Variants in CRAMP1 observed in about 807,000 individuals in gnomAD.
The protein encoded by CRAMP1 is cramped chromatin regulator 1, also known as protein cramped-like.
Under a neutral mutation model 115.4 loss-of-function variants are expected in CRAMP1, and 50 were observed. That is an observed-to-expected ratio of 0.43 (90% CI 0.35 to 0.55). The LOEUF (loss-of-function observed/expected upper bound fraction) is 0.55, where lower values mean the gene tolerates loss of function less well. CRAMP1 is among the 20% of genes least tolerant of loss of function. The pLI is 0.01. For missense variants in CRAMP1, 1,679 were observed against 1,721.7 expected (o/e 0.98, Z 0.44); for synonymous variants, 866 against 745.4 (o/e 1.16, Z -2.64).
At chr16:1,626,233 C>T in intron 3 of CRAMP1, 67 bp downstream of exon 3, 1 of 1,352,282 alleles carries the variant, frequency 7.4e-7, no homozygotes, top group South Asian at 1.5e-5. Context: ...CCCTCCGTTC[C>T]CCGTGCTTCC....
intron 8 of CRAMP1, 121 bp downstream of exon 8, chr16:1,653,277 C>G: frequency 8.4e-7 from 1 of 1,185,522 alleles, no homozygotes; most frequent in Non-Finnish European, 1.2e-6. Flanking sequence ...GCTCTGTCAT[C>G]ACACGAGGAC....
chr16:1,646,878 C>G (rs796820002), intron 6 of CRAMP1, among the ~76,000 whole-genome samples: 3 of 152,236 alleles, frequency 2.0e-5, no homozygotes, highest in South Asian at 4.1e-4. Context: ...CTGTGGGTGT[C>G]AAGCTGTGCC....
Position 1,614,602 on chromosome 16 carries a change from C to T in CRAMP1, c.-1-37C>T. 1 of 1,196,432 alleles carries T rather than the reference C, an allele frequency of 8.4e-7. No homozygotes were observed. Among genetic ancestry groups the T allele is most frequent in the Non-Finnish European group, 1.0e-6 (1 of 955,262 alleles). The allele number at this position is 1,196,432 out of a possible 1,614,324, so 74.1% of individuals were successfully genotyped here. A position where few individuals can be genotyped will look rare whatever the true frequency, so the allele number is the denominator to read the frequency against. ...GGGCCGCTAAACTTCCCGGCCTGCG[C>T]CCGCCTCACCGGCCGCCTCCCCTCT... is the stretch of plus-strand genomic sequence containing the variant. On this transcript the variant is annotated intron_variant, in intron 1 of 20. Coordinates refer to ENST00000397412, the MANE Select transcript of CRAMP1 (RefSeq NM_020825.4). This position sits in a 1 kb window ranked among gnomAD's most constrained non-coding sequence, Gnocchi z 4.4.
chr16:1,628,813 C>T (rs994075955), intron 3 of CRAMP1, among the ~76,000 whole-genome samples: 57 of 152,342 alleles, frequency 3.7e-4, no homozygotes, highest in African/African-American at 1.3e-3. Context: ...GGGACCCCAC[C>T]GCCATCACTG....
At chr16:1,652,362 C>T (rs968698788) in intron 6 of CRAMP1, 134 bp from the exon 7 acceptor site, 9 of 671,002 alleles carry the variant, frequency 1.3e-5, no homozygotes, top group South Asian at 7.7e-5. Flanking sequence ...CACTGTCCTA[C>T]GCGGGCTCGA....
At chr16:1,653,238 A>C (rs561228015) in intron 8 of CRAMP1, 82 bp downstream of exon 8, 2 of 1,502,680 alleles carry the variant, frequency 1.3e-6, no homozygotes, top group Admixed American at 4.0e-5. Context: ...CCCTCAAGGA[A>C]CTTCCAGGAG....
chr16:1,622,753 CTTTTT>C (rs936343370), intron 2 of CRAMP1, among the ~76,000 whole-genome samples: 2 of 129,362 alleles, frequency 1.5e-5, no homozygotes, highest in Non-Finnish European at 3.3e-5. Context: ...CGGCAGTCTA[CTTTTT>C]TTTTTTTTTT....
Position 1,674,880 on chromosome 16 carries a change from C to T in CRAMP1, c.*835C>T, listed in dbSNP as rs1012624068. 1 of 152,214 alleles carries T rather than the reference C, an allele frequency of 6.6e-6. No homozygotes were observed. Among genetic ancestry groups the T allele is most frequent in the Non-Finnish European group, 1.5e-5 (1 of 68,030 alleles). 9.4% of individuals were successfully genotyped at this position (152,214 alleles called of 1,614,324 possible). ...CCAGGCGATCTAAGGTGTCATTTCT[C>T]CCTCCTGGGGTGACCCTTAGGCGCT... is the stretch of plus-strand genomic sequence containing the variant. On this transcript the variant is annotated 3_prime_UTR_variant, in exon 21 of 21. Transcript: ENST00000397412.
chr16:1,629,244 GT>G (rs1481949408), intron 3 of CRAMP1, among the ~76,000 whole-genome samples: 5 of 151,388 alleles, frequency 3.3e-5, no homozygotes, highest in African/African-American at 1.2e-4. Flanking sequence ...GCTTCGCAGT[GT>G]TCCCCTTCTC....
rs779597601 is a variant in CRAMP1 at position 1,670,651 on chromosome 16, C to G, written c.3500-13C>G. 1.9e-6 allele frequency: 3 copies of G among 1,613,718 alleles called. No individual in the cohort carries two copies. Among genetic ancestry groups the G allele is most frequent in the South Asian group, 2.2e-5 (2 of 91,056 alleles). ...AGGGTTCAGGGTGTTTTCCTCTGGCCTTTTCTCCGCAGCAAGCTTCATCTC... is the reference window on the plus strand; with the variant it reads ...AGGGTTCAGGGTGTTTTCCTCTGGCGTTTTCTCCGCAGCAAGCTTCATCTC... On this transcript the variant is annotated splice_polypyrimidine_tract_variant and intron_variant, in intron 19 of 20. Coordinates refer to ENST00000397412, the MANE Select transcript of CRAMP1 (RefSeq NM_020825.4).
intron 6 of CRAMP1, 47 bp downstream of exon 6, chr16:1,641,234 TG>T (rs1330470584): frequency 2.9e-6 from 4 of 1,383,428 alleles, no homozygotes; most frequent in Non-Finnish European, 4.1e-6. Context: ...GGGTGTTTTG[TG>T]TTTATTCTCT....
At chr16:1,622,814 T>A (rs899702045) in intron 2 of CRAMP1, among the ~76,000 whole-genome samples, 1 of 148,172 alleles carries the variant, frequency 6.7e-6, no homozygotes, top group African/African-American at 2.5e-5. Context: ...CAGGCTGGAG[T>A]GCAGTGGCTA....
intron 2 of CRAMP1, among the ~76,000 whole-genome samples, chr16:1,622,853 C>T (rs1255549764): frequency 6.6e-6 from 1 of 151,746 alleles, no homozygotes; most frequent in Non-Finnish European, 1.5e-5. Context: ...CCTCTGCCTC[C>T]CGGTTTCAAG....
rs1567444660 is a variant in CRAMP1 at position 1,614,746 on chromosome 16, C to T, written c.107C>T (p.Ala36Val). 8 of 1,368,752 alleles carry T rather than the reference C, an allele frequency of 5.8e-6. No individual in the cohort carries two copies. The highest frequency in any genetic ancestry group is 7.6e-6 in the Non-Finnish European group (8 of 1,048,910). The allele number at this position is 1,368,752 out of a possible 1,614,324, so 84.8% of individuals were successfully genotyped here. ...ESLEGEGAGG[A>V]DAAEESSGTK... ...CTGGAAGGAGAAGGGGCCGGCGGCG[C>T]AGACGCGGCCGAGGAGAGCAGCGGC... Residue 36 changes from alanine (A) to valine (V), a missense_variant, in exon 2 of 21, where the codon GCA (alanine) becomes GTA (valine). Physicochemically the swap from Ala to Val is moderately conservative, Grantham distance 64. Coordinates refer to ENST00000397412, the MANE Select transcript of CRAMP1 (RefSeq NM_020825.4). This position sits in a 1 kb window ranked among gnomAD's most constrained non-coding sequence, Gnocchi z 4.4.
chr16:1,666,308 C>T lies in CRAMP1; in HGVS notation c.2858-114C>T. On this transcript the variant is annotated intron_variant, in intron 15 of 20. Coordinates refer to ENST00000397412, the MANE Select transcript of CRAMP1 (RefSeq NM_020825.4). This position sits in a 1 kb window ranked among gnomAD's most constrained non-coding sequence, Gnocchi z 5.0. ...ACCCTTCACCAAGAACATCTAAGCCCTTGGCTCTTGCATTGACATGAGGTG... is the reference window on the plus strand; with the variant it reads ...ACCCTTCACCAAGAACATCTAAGCCTTTGGCTCTTGCATTGACATGAGGTG... The T allele has an allele frequency of 1.6e-6, 2 of 1,213,472 alleles. No homozygotes were observed. Among genetic ancestry groups the T allele is most frequent in the Non-Finnish European group, 1.2e-6 (1 of 848,440 alleles). The allele number at this position is 1,213,472 out of a possible 1,614,324, so 75.2% of individuals were successfully genotyped here.
rs773796360 is a variant in CRAMP1 at position 1,625,994 on chromosome 16, C to T, written c.368C>T (p.Ser123Leu). 6.4e-6 allele frequency: 10 copies of T among 1,551,518 alleles called. No individual in the cohort carries two copies. Among genetic ancestry groups the T allele is most frequent in the Middle Eastern group, 1.7e-4 (1 of 6,014 alleles). ...RGKGAEGGGS[S>L]SGNVSGVAPA... ...CAAGGAGCTGAAGGTGGTGGATCAT[C>T]GTCTGGAAATGTGTCTGGGGTTGCC... The change falls in exon 3 of 21, where the codon TCG becomes TTG. Residue 123 changes from serine to leucine, a missense_variant. This residue lies in a region of CRAMP1 where 264 missense variants were observed against 229.7 expected (regional missense o/e 1.15). Transcript: ENST00000397412.
chr16:1,662,188 C>G (rs2036837076), intron 11 of CRAMP1, among the ~76,000 whole-genome samples: 1 of 152,206 alleles, frequency 6.6e-6, no homozygotes, highest in Non-Finnish European at 1.5e-5. Context: ...GAAGGCTCTT[C>G]TAGCCCTGGA....
At position 1,637,215 on chromosome 16, in the gene CRAMP1, G is replaced by T. The variant is rs149843113; in HGVS notation, c.695-609G>T. Among the ~76,000 whole-genome samples the T allele has an allele frequency of 2.6e-3, 392 of 152,100 alleles. 1 individual carries two copies. Among genetic ancestry groups the T allele is most frequent in the African/African-American group, 9.0e-3 (373 of 41,494 alleles). On this transcript the variant is annotated intron_variant, in intron 4 of 20. Transcript: ENST00000397412. ...AGGCTGAGGCAGGAGAATCTCTTGA[G>T]CCTGGGAGGCAGAGGTTGCGGTGAG...
intron 2 of CRAMP1, among the ~76,000 whole-genome samples, chr16:1,618,858 C>G (rs2036442527): frequency 6.6e-6 from 1 of 152,142 alleles, no homozygotes; most frequent in African/African-American, 2.4e-5. Context: ...CAACAAGACC[C>G]TGTTTCAAAA....
Sources: gnomAD v4.1 joint callset for allele counts (sites outside exome capture counted in the v4.1 genomes callset) on GRCh38, gnomAD v4.1.1 for gene constraint, gnomAD v4.1.1 regional missense constraint, Gnocchi (gnomAD v3.1) non-coding constraint, MANE v1.5 for transcripts, NCBI Gene and HGNC (gene_info 2026-07-23, HGNC 2026-07-21) for gene names.